The following NTM variants were observed in gnomAD, a reference collection of about 807,000 sequenced individuals.
The protein encoded by NTM is neurotrimin.
Under a neutral mutation model 42.1 loss-of-function variants are expected in NTM, and 13 were observed. The ratio of observed to expected loss-of-function variants is 0.31; its 90% CI spans 0.20 to 0.49. The LOEUF is 0.49. Ranked by LOEUF, NTM falls within the 20% of genes least tolerant of loss-of-function variation. The pLI is 0.99. For synonymous variants in NTM, 187 were observed against 179.2 expected (o/e 1.04, Z -0.35); for missense variants, 373 against 452.8 (o/e 0.82, Z 1.60).
Position 132,146,463 on chromosome 11 carries a change from G to C in NTM, c.349G>C (p.Val117Leu). The C allele has an allele frequency of 6.2e-7, 1 of 1,614,160 alleles. No individual in the cohort carries two copies. Among genetic ancestry groups the C allele is most frequent in the Non-Finnish European group, 8.5e-7 (1 of 1,180,038 alleles). ...VYDEGPYTCSVQTDNHPKTSR... is the reference protein window; with the variant it reads ...VYDEGPYTCSLQTDNHPKTSR... ...TGACGAGGGCCCTTACACCTGCTCG[G>C]TGCAGACAGACAACCACCCAAAGAC... The change falls in exon 3 of 9, where the codon GTG (valine) becomes CTG (leucine). Residue 117 changes from valine to leucine, a missense_variant. This residue lies in a region of NTM where 312 missense variants were observed against 353.5 expected (regional missense o/e 0.88). Coordinates refer to ENST00000683400, the MANE Select transcript of NTM (RefSeq NM_001352005.2). This position sits in a 1 kb window ranked among gnomAD's most constrained non-coding sequence, Gnocchi z 4.5.
At chr11:131,448,877 G>T (rs1279567711) in intron 1 of NTM, among the ~76,000 whole-genome samples, 1 of 152,206 alleles carries the variant, frequency 6.6e-6, no homozygotes, top group Admixed American at 6.5e-5. Flanking sequence ...TGGGAGGAAT[G>T]GTGGTCTAAG....
At chr11:131,788,238 T>C (rs1386049796) in intron 1 of NTM, among the ~76,000 whole-genome samples, 1 of 152,138 alleles carries the variant, frequency 6.6e-6, no homozygotes, top group East Asian at 1.9e-4. Flanking sequence ...AATTTATCTA[T>C]CTTCTTACTG....
chr11:131,815,780 A>G (rs1565586486), intron 1 of NTM, among the ~76,000 whole-genome samples: 1 of 152,138 alleles, frequency 6.6e-6, no homozygotes, highest in African/African-American at 2.4e-5. Context: ...ACCCTGATAG[A>G]AATACTTAAG....
chr11:131,744,574 G>A (rs1448477478), intron 1 of NTM, among the ~76,000 whole-genome samples: 1 of 152,090 alleles, frequency 6.6e-6, no homozygotes, highest in Non-Finnish European at 1.5e-5. Context: ...AAGGAAGAAA[G>A]AAGAAGTCTA....
chr11:132,118,762 G>A (rs141361177), intron 2 of NTM, among the ~76,000 whole-genome samples: 167 of 152,264 alleles, frequency 1.1e-3, no homozygotes, highest in African/African-American at 3.6e-3. Flanking sequence ...AGATCGCAGC[G>A]TCAGATTGGT....
At position 131,599,413 on chromosome 11, in the gene NTM, T is replaced by C. The variant is rs541444808; in HGVS notation, c.82+228525T>C. On this transcript the variant is annotated intron_variant, in intron 1 of 8. Transcript: ENST00000683400. ...CTAGTCACATGGCCCTGTATAACCC[T>C]ATATAACCTCAAGGGGACGGAAGGG... Among the ~76,000 whole-genome samples the C allele has an allele frequency of 1.6e-5, 2 of 128,836 alleles. 1 individual carries two copies. The highest frequency in any genetic ancestry group is 5.1e-4 in the South Asian group (2 of 3,890). The allele number at this position is 128,836 out of a possible 152,430, so 84.5% of individuals were successfully genotyped here.
chr11:132,104,939 A>G (rs10791198), intron 2 of NTM, among the ~76,000 whole-genome samples: 10,918 of 18,224 alleles, frequency 0.6, 2,016 homozygotes, highest in Middle Eastern at 0.68. Context: ...ATACATATGT[A>G]TATATATATA....
At chr11:131,631,039 G>A (rs979528439) in intron 1 of NTM, among the ~76,000 whole-genome samples, 1 of 152,176 alleles carries the variant, frequency 6.6e-6, no homozygotes, top group African/African-American at 2.4e-5. Context: ...CTGTTCTGTT[G>A]ATCAGAGTGA....
At chr11:131,890,069 C>A (rs1413324368) in intron 1 of NTM, among the ~76,000 whole-genome samples, 1 of 152,064 alleles carries the variant, frequency 6.6e-6, no homozygotes, top group Non-Finnish European at 1.5e-5. Context: ...ATTCTCTGCT[C>A]CAAAGGAAGG....
At chr11:132,092,436 C>G (rs1235048820) in intron 2 of NTM, among the ~76,000 whole-genome samples, 2 of 152,230 alleles carry the variant, frequency 1.3e-5, no homozygotes, top group East Asian at 1.9e-4. Flanking sequence ...ACCCACCTGA[C>G]CTCCTCAAGT....
intron 2 of NTM, among the ~76,000 whole-genome samples, chr11:132,065,504 T>G (rs763700990): frequency 3.9e-5 from 6 of 152,182 alleles, no homozygotes; most frequent in Non-Finnish European, 7.4e-5. Context: ...ATTGTTCATA[T>G]CTTTCTACCA....
At chr11:131,817,723 G>A (rs749802033) in intron 1 of NTM, among the ~76,000 whole-genome samples, 6 of 152,192 alleles carry the variant, frequency 3.9e-5, no homozygotes, top group Non-Finnish European at 7.3e-5. Flanking sequence ...CCACCCCTCT[G>A]GTCCTACCTT....
chr11:132,127,945 G>T (rs1566238891), intron 2 of NTM, among the ~76,000 whole-genome samples: 1 of 152,348 alleles, frequency 6.6e-6, no homozygotes, highest in South Asian at 2.1e-4. Context: ...AACCAGGTGG[G>T]ATGCTGGCCT....
chr11:132,015,432 G>A (rs552062139), intron 2 of NTM, among the ~76,000 whole-genome samples: 3 of 151,708 alleles, frequency 2.0e-5, no homozygotes, highest in East Asian at 1.9e-4. Flanking sequence ...TGTGAAAAAT[G>A]CCATTGGTGT....
chr11:131,881,770 C>T (rs560849061), intron 1 of NTM, among the ~76,000 whole-genome samples: 1 of 152,308 alleles, frequency 6.6e-6, no homozygotes, highest in South Asian at 2.1e-4. Flanking sequence ...TCTACCTACT[C>T]TTCACTACTG....
intron 1 of NTM, among the ~76,000 whole-genome samples, chr11:131,585,267 TAA>T (rs2058752276): frequency 6.6e-6 from 1 of 152,218 alleles, no homozygotes; most frequent in Admixed American, 6.5e-5. Flanking sequence ...CATGCACATG[TAA>T]ATGTGATTGA....
At chr11:131,721,754 T>C (rs2135402725) in intron 1 of NTM, among the ~76,000 whole-genome samples, 1 of 152,132 alleles carries the variant, frequency 6.6e-6, no homozygotes, top group Non-Finnish European at 1.5e-5. Context: ...CCCAGCACTT[T>C]CGGAGGTCAA....
intron 5 of NTM, among the ~76,000 whole-genome samples, chr11:132,308,246 G>A (rs547492859): frequency 1.3e-5 from 2 of 152,266 alleles, no homozygotes; most frequent in Admixed American, 1.3e-4. Flanking sequence ...TATGAAGGAA[G>A]TTTCAAACTT....
intron 1 of NTM, among the ~76,000 whole-genome samples, chr11:131,738,401 AC>A (rs2080762716): frequency 6.6e-6 from 1 of 152,310 alleles, no homozygotes; most frequent in African/African-American, 2.4e-5. Flanking sequence ...ATTTCCCATT[AC>A]CTTTGTGCCC....
Sources: gnomAD v4.1 joint callset for allele counts (sites outside exome capture counted in the v4.1 genomes callset) on GRCh38, gnomAD v4.1.1 for gene constraint, gnomAD v4.1.1 regional missense constraint, Gnocchi (gnomAD v3.1) non-coding constraint, MANE v1.5 for transcripts, NCBI Gene and HGNC (gene_info 2026-07-23, HGNC 2026-07-21) for gene names.